Variants in FGD5 observed in about 807,000 individuals in gnomAD.
FGD5 encodes FYVE, RhoGEF and PH domain containing 5.
A neutral mutation model predicts 133.4 loss-of-function variants in FGD5; 28 were observed. The ratio of observed to expected loss-of-function variants is 0.21; its 90% CI spans 0.16 to 0.29. The LOEUF (loss-of-function observed/expected upper bound fraction) is 0.29. Among genes scored for constraint, FGD5 ranks in the 10% least tolerant of loss-of-function variants. FGD5 has a pLI of 1.00. For missense variants in FGD5, 1,858 were observed against 1,895.2 expected, an observed-to-expected ratio of 0.98 and a Z score of 0.36; for synonymous variants, 810 against 776.5, an observed-to-expected ratio of 1.04 and a Z score of -0.72.
chr3:14,821,185 A>G lies in FGD5; in HGVS notation c.2114A>G (p.Gln705Arg), dbSNP rs747548845. The stretch of plus-strand genomic sequence containing the variant: ...CGGAGAAGCCTCAGCAACTCCCCTC[A>G]GCTTAAGTCTCGGACTGGGAAGCTC... ...VDRRSLSNSP[Q>R]LKSRTGKLRA... Residue 705 changes from glutamine (Q) to arginine (R), a missense_variant, in exon 1 of 20, where the codon CAG (glutamine) becomes CGG (arginine). By Grantham distance (43) the Gln-to-Arg change is conservative. This residue lies in a region of FGD5 where 1,824 missense variants were observed against 1,848.9 expected (regional missense o/e 0.99). Transcript: ENST00000285046. The G allele has an allele frequency of 5.0e-6, 8 of 1,613,832 alleles. No homozygotes were observed. The highest frequency in any genetic ancestry group is 6.8e-6 in the Non-Finnish European group (8 of 1,179,844).
At chr3:14,830,732 G>C (rs1431015037) in intron 1 of FGD5, among the ~76,000 whole-genome samples, 1 of 152,158 alleles carries the variant, frequency 6.6e-6, no homozygotes, top group African/African-American at 2.4e-5. Context: ...ACTTTCCCCA[G>C]CTTTTCAAAT....
intron 4 of FGD5, chr3:14,882,363 T>C: frequency 2.0e-6 from 2 of 985,014 alleles, no homozygotes; most frequent in Non-Finnish European, 2.4e-6. Context: ...TGGTAATCCA[T>C]AATAAGATCC....
chr3:14,865,917 T>A (rs893610647), intron 2 of FGD5, among the ~76,000 whole-genome samples: 6 of 152,148 alleles, frequency 3.9e-5, no homozygotes, highest in Admixed American at 6.5e-5. Context: ...CATTTAGAGA[T>A]GATTTTGGCT....
At chr3:14,824,705 T>A (rs982191410) in intron 1 of FGD5, among the ~76,000 whole-genome samples, 11 of 152,260 alleles carry the variant, frequency 7.2e-5, no homozygotes, top group African/African-American at 2.4e-4. Flanking sequence ...GCCTATACTT[T>A]GACTCATTAC....
At chr3:14,865,119 A>T (rs2131571) in intron 2 of FGD5, among the ~76,000 whole-genome samples, 1 of 140,746 alleles carries the variant, frequency 7.1e-6, no homozygotes, top group Non-Finnish European at 1.5e-5. Flanking sequence ...CCCCCACCCA[A>T]CCCACCCATC....
intron 1 of FGD5, among the ~76,000 whole-genome samples, chr3:14,829,789 C>G (rs374983715): frequency 1.3e-5 from 2 of 152,182 alleles, no homozygotes; most frequent in African/African-American, 4.8e-5. Context: ...AGCGCAAAAT[C>G]TAGCATAAGC....
At chr3:14,907,820 A>G (rs1221544692) in intron 10 of FGD5, 109 bp downstream of exon 10, 2 of 1,120,266 alleles carry the variant, frequency 1.8e-6, no homozygotes, top group East Asian at 5.2e-5. Context: ...GGTGCTGTCT[A>G]CCCATGGAGG....
At chr3:14,852,623 T>C (rs1367467606) in intron 1 of FGD5, among the ~76,000 whole-genome samples, 2 of 152,162 alleles carry the variant, frequency 1.3e-5, no homozygotes, top group African/African-American at 2.4e-5. Context: ...AGCAAACCCC[T>C]CTGAAACCAC....
At chr3:14,919,338 G>A (rs1370276575) in intron 13 of FGD5, among the ~76,000 whole-genome samples, 1 of 152,202 alleles carries the variant, frequency 6.6e-6, no homozygotes, top group African/African-American at 2.4e-5. Flanking sequence ...AAAATACCAG[G>A]CCGGGCGCGG....
chr3:14,848,637 T>C (rs1366087675), intron 1 of FGD5, among the ~76,000 whole-genome samples: 1 of 152,190 alleles, frequency 6.6e-6, no homozygotes, highest in Non-Finnish European at 1.5e-5. Flanking sequence ...TTGATTATAC[T>C]GATAGTATAT....
chr3:14,813,471 G>A (rs1027581997), intron 1 of FGD5, among the ~76,000 whole-genome samples: 13 of 152,204 alleles, frequency 8.5e-5, no homozygotes, highest in Middle Eastern at 3.2e-3. Flanking sequence ...AGATGTAATT[G>A]GAAGGTGAAA....
chr3:14,932,498 C>T lies in FGD5; in HGVS notation c.4198-79C>T, dbSNP rs113544913. The stretch of plus-strand genomic sequence containing the variant: ...ACCCCACACAGAGGCACTCTTCACG[C>T]ATCTCAGATTGGAGATAACAGTAAA... On this transcript the variant is annotated intron_variant, in intron 18 of 19. Transcript: ENST00000285046. The T allele has an allele frequency of 2.0e-5, 30 of 1,484,834 alleles. 1 individual carries two copies. In the African/African-American group the frequency reaches 2.4e-4, roughly 12 times the overall value. The allele number at this position is 1,484,834 out of a possible 1,614,324, so 92.0% of individuals were successfully genotyped here. A position where few individuals can be genotyped will look rare whatever the true frequency, so the allele number is the denominator to read the frequency against.
chr3:14,861,583 G>A (rs573324870), intron 1 of FGD5, among the ~76,000 whole-genome samples: 14 of 152,314 alleles, frequency 9.2e-5, no homozygotes, highest in African/African-American at 2.4e-4. Flanking sequence ...GATTTGCCGC[G>A]TGACCTCGAG....
intron 1 of FGD5, among the ~76,000 whole-genome samples, chr3:14,839,947 A>G (rs1485080031): frequency 6.6e-6 from 1 of 151,582 alleles, no homozygotes; most frequent in Non-Finnish European, 1.5e-5. Context: ...CAAACAAACA[A>G]ACAAACAAAC....
chr3:14,930,472 C>T (rs1466648929), intron 18 of FGD5, among the ~76,000 whole-genome samples: 2 of 152,136 alleles, frequency 1.3e-5, no homozygotes, highest in African/African-American at 4.8e-5. Flanking sequence ...TGGTGCATAC[C>T]TGTAATTCCA....
At chr3:14,920,476 G>A (rs1252193501) in intron 13 of FGD5, 5 of 151,714 alleles carry the variant, frequency 3.3e-5, no homozygotes, top group African/African-American at 1.2e-4. Flanking sequence ...GGGCAACATA[G>A]TGAGACCCTG....
chr3:14,835,400 T>C (rs906833743), intron 1 of FGD5, among the ~76,000 whole-genome samples: 3 of 151,824 alleles, frequency 2.0e-5, no homozygotes, highest in African/African-American at 7.3e-5. Context: ...CTTGGAAGGC[T>C]GAGGCACAAA....
At chr3:14,869,706 T>A (rs997411158) in intron 2 of FGD5, among the ~76,000 whole-genome samples, 1 of 152,244 alleles carries the variant, frequency 6.6e-6, no homozygotes, top group Non-Finnish European at 1.5e-5. Context: ...TGCTCTTTTG[T>A]GAGTGGCTTA....
At chr3:14,863,684 G>T (rs532082840) in intron 1 of FGD5, among the ~76,000 whole-genome samples, 24 of 152,330 alleles carry the variant, frequency 1.6e-4, no homozygotes, top group South Asian at 1.0e-3. Context: ...CCGATGGCAA[G>T]GCCGGGACTA....
Sources: allele counts gnomAD v4.1 joint callset (sites outside exome capture counted in the v4.1 genomes callset), GRCh38; gene constraint gnomAD v4.1.1; regional missense constraint gnomAD v4.1.1; transcripts MANE v1.5; gene names NCBI Gene and HGNC (gene_info 2026-07-23, HGNC 2026-07-21).